ZNF418: variants seen among roughly 807,000 people sequenced by gnomAD.
ZNF418 encodes the protein zinc finger protein 418.
ZNF418 carries 32 observed loss-of-function variants against 32.0 expected under a neutral mutation model. The ratio of observed to expected loss-of-function variants is 1.00; its 90% CI spans 0.75 to 1.34. The LOEUF is 1.34. Ranked by LOEUF, ZNF418 falls within the 40% of genes most tolerant of loss-of-function variation. The pLI is 0.00. For synonymous variants in ZNF418, 276 were observed against 270.7 expected, an observed-to-expected ratio of 1.02 and a Z score of -0.19; for missense variants, 804 against 812.5, an observed-to-expected ratio of 0.99 and a Z score of 0.13.
intron 1 of ZNF418, chr19:57,934,155 C>T (rs1600188714): frequency 7.8e-7 from 1 of 1,280,260 alleles, no homozygotes; most frequent in Non-Finnish European, 9.9e-7. Context: ...AGTCCCAGGA[C>T]ATCACAAGCT....
chr19:57,926,900 C>A lies in ZNF418; in HGVS notation c.1281G>T (p.Glu427Asp). The change falls in exon 4 of 6, where the codon GAG becomes GAT. Residue 427 changes from glutamate (E) to aspartate (D), a missense_variant. Around this residue, in one of 3 missense-constraint regions of ZNF418, gnomAD observed 475 missense variants for 458.6 expected, o/e 1.04. Transcript: ENST00000396147. Reference protein sequence around the residue: ...QRGHTGERPYECGECGKSFSR... With the variant: ...QRGHTGERPYDCGECGKSFSR... Reference sequence around the variant, plus strand: ...TAAAAGATTTCCCACATTCTCCACACTCGTAAGGTCTTTCTCCAGTGTGAC... The same window carrying A: ...TAAAAGATTTCCCACATTCTCCACAATCGTAAGGTCTTTCTCCAGTGTGAC... The A allele has an allele frequency of 6.2e-7, 1 of 1,613,790 alleles. No homozygotes were observed. The highest frequency in any genetic ancestry group is 8.5e-7 in the Non-Finnish European group (1 of 1,179,912).
rs1343687174 is a variant in ZNF418, at chr19:57,926,523, A to G, written c.1658T>C (p.Leu553Pro). Residue 553 changes from leucine (L) to proline (P), a missense_variant, in exon 4 of 6, where the codon CTC becomes CCC. Physicochemically the swap from Leu to Pro is moderately conservative, Grantham distance 98 (BLOSUM62 -3). This residue lies in a region of ZNF418 where 475 missense variants were observed against 458.6 expected (regional missense o/e 1.04). Transcript: ENST00000396147. ...AGTGTGAGTTTTCTGATGTCGAAGG[A>G]GGGAAGAGCTCTGATGAAATGACTT... is the stretch of plus-strand genomic sequence containing the variant. ...CGKSFHQSSS[L>P]LRHQKTHTAE... 2 of 1,613,730 alleles carry G rather than the reference A, an allele frequency of 1.2e-6. No homozygotes were observed.
intron 4 of ZNF418, among the ~76,000 whole-genome samples, chr19:57,925,348 C>G (rs1170833828): frequency 6.6e-6 from 1 of 151,984 alleles, no homozygotes; most frequent in Non-Finnish European, 1.5e-5. Flanking sequence ...GTAGTCCCAG[C>G]TACTCGGGAG....
In ZNF418 at chr19:57,926,377, G is replaced by A. The variant is rs563253023; in HGVS notation, c.1804C>T (p.Arg602Ter). 4.5e-5 allele frequency: 72 copies of A among 1,612,662 alleles called. 1 individual carries two copies. The East Asian group carries it at 6.9e-4, about 15-fold the overall frequency. The change falls in exon 4 of 6, where the codon CGA (arginine) becomes TGA (stop). Residue 602 changes from arginine (R) to a stop codon, truncating the protein, a stop_gained. Transcript: ENST00000396147. LOFTEE classifies it low-confidence loss of function (END_TRUNC). The stretch of plus-strand genomic sequence containing the variant: ...TGATGTTTAAAATGCGCAGACCTTC[G>A]AGTAAATGTTTTTCCACATTCCCTG... ...ECRECGKTFT[R>*]RSAHFKHQRL...
Position 57,926,924 on chromosome 19 carries a change from A to G in ZNF418, c.1257T>C (p.Gly419=). The G allele has an allele frequency of 6.2e-7, 1 of 1,613,990 alleles. No homozygotes were observed. The highest frequency in any genetic ancestry group is 2.2e-5 in the East Asian group (1 of 44,854). Residue 419 remains glycine (G), a synonymous_variant, in exon 4 of 6, where the codon GGT becomes GGC. Coordinates refer to ENST00000396147, the MANE Select transcript of ZNF418 (RefSeq NM_133460.3). ...RKGHLRNHQR[G]HTGERPYECG... is the part of the protein sequence containing the mutation. Reference sequence around the variant, plus strand: ...ACTCGTAAGGTCTTTCTCCAGTGTGACCTCGCTGATGGTTCCTAAGGTGTC... The same window carrying G: ...ACTCGTAAGGTCTTTCTCCAGTGTGGCCTCGCTGATGGTTCCTAAGGTGTC...
chr19:57,930,469 T>A lies in ZNF418; in HGVS notation c.92A>T (p.His31Leu). 6.2e-7 allele frequency: 1 copy of A among 1,614,148 alleles called. No homozygotes were observed. The highest frequency in any genetic ancestry group is 1.3e-5 in the African/African-American group (1 of 75,032). Reference sequence around the variant, plus strand: ...TACCCAGTTCTCCAGCATCACGTCATGGTAAAGGCATCTCTGAACCTCACT... The same window carrying A: ...TACCCAGTTCTCCAGCATCACGTCAAGGTAAAGGCATCTCTGAACCTCACT... ...LLSEVQRCLYHDVMLENWVLI... is the reference protein window; with the variant it reads ...LLSEVQRCLYLDVMLENWVLI... Residue 31 changes from histidine (H) to leucine (L), a missense_variant, in exon 3 of 6, where the codon CAT (histidine) becomes CTT (leucine). Transcript: ENST00000396147.
At position 57,925,603 on chromosome 19, in the gene ZNF418, T is replaced by A. The variant is rs2072187701; in HGVS notation, c.*527+20A>T. ...TCATCCGAAAGAAATGAGAAAGGAATGACAGCTGAGACTACTCACCAATTC... is the reference window on the plus strand; with the variant it reads ...TCATCCGAAAGAAATGAGAAAGGAAAGACAGCTGAGACTACTCACCAATTC... On this transcript the variant is annotated intron_variant, in intron 4 of 5. Transcript: ENST00000396147. 1 of 159,580 alleles carries A rather than the reference T, an allele frequency of 6.3e-6. No homozygotes were observed. Among genetic ancestry groups the A allele is most frequent in the Non-Finnish European group, 1.4e-5 (1 of 72,026 alleles). The allele number at this position is 159,580 out of a possible 1,614,324, so 9.9% of individuals were successfully genotyped here. A position where few individuals can be genotyped will look rare whatever the true frequency, so the allele number is the denominator to read the frequency against.
At chr19:57,924,027 T>C (rs2072113700) in intron 4 of ZNF418, among the ~76,000 whole-genome samples, 3 of 151,562 alleles carry the variant, frequency 2.0e-5, no homozygotes, top group Admixed American at 6.6e-5. Context: ...AGGCCTGTAA[T>C]CCCAGCACTT....
chr19:57,928,530 C>G (rs1235384209), intron 3 of ZNF418, among the ~76,000 whole-genome samples: 1 of 152,004 alleles, frequency 6.6e-6, no homozygotes, highest in African/African-American at 2.4e-5. Flanking sequence ...TCCCAAAGTG[C>G]TGGGATTACA....
At position 57,934,118 on chromosome 19, in the gene ZNF418, C is replaced by A. The variant is rs1410039234; in HGVS notation, c.-80-216G>T. On this transcript the variant is annotated intron_variant, in intron 1 of 5. Coordinates refer to ENST00000396147, the MANE Select transcript of ZNF418 (RefSeq NM_133460.3). ...TAGGGTTTCTCCAGTGTTCTCAGAT[C>A]AAAGGACTGAAAAAATGGCAAGTAA... 7 of 1,352,738 alleles carry A rather than the reference C, an allele frequency of 5.2e-6. No homozygotes were observed. The African/African-American group carries it at 8.8e-5, about 17-fold the overall frequency. 83.8% of individuals were successfully genotyped at this position (1,352,738 alleles called of 1,614,324 possible).
In ZNF418 at chr19:57,927,469, A is replaced by G. The variant is rs748724344; in HGVS notation, c.712T>C (p.Ser238Pro). Residue 238 changes from serine to proline, a missense_variant, in exon 4 of 6, where the codon TCC (serine) becomes CCC (proline). Physicochemically the swap from Ser to Pro is moderately conservative, Grantham distance 74. Coordinates refer to ENST00000396147, the MANE Select transcript of ZNF418 (RefSeq NM_133460.3). ...EECYCWECGK[S>P]FSKYDSVSNH... is the part of the protein sequence containing the mutation. ...CTGACGCTATCATATTTGCTAAAGG[A>G]TTTCCCACATTCCCAGCAATAACAT... The G allele has an allele frequency of 3.7e-6, 6 of 1,614,206 alleles. No homozygotes were observed. In the South Asian group the frequency reaches 6.6e-5, roughly 18 times the overall value.
In ZNF418 at chr19:57,930,443, G is replaced by A; in HGVS notation, c.118C>T (p.Leu40Phe). The A allele has an allele frequency of 3.7e-6, 6 of 1,614,128 alleles. No homozygotes were observed. Among genetic ancestry groups the A allele is most frequent in the Non-Finnish European group, 1.7e-6 (2 of 1,180,014 alleles). The change falls in exon 3 of 6, where the codon CTT becomes TTT. Residue 40 changes from leucine to phenylalanine, a missense_variant. Leu to Phe is a conservative substitution (Grantham distance 22). Around this residue, in one of 3 missense-constraint regions of ZNF418, gnomAD observed 307 missense variants for 304.9 expected, o/e 1.01. Coordinates refer to ENST00000396147, the MANE Select transcript of ZNF418 (RefSeq NM_133460.3). The part of the protein sequence containing the change: ...YHDVMLENWV[L>F]ISSLGCWCGS... ...AGGAACTTACCCAGGGAGGATATAA[G>A]TACCCAGTTCTCCAGCATCACGTCA...
intron 2 of ZNF418, among the ~76,000 whole-genome samples, chr19:57,932,990 T>C (rs146870483): frequency 9.2e-4 from 140 of 152,298 alleles, no homozygotes; most frequent in African/African-American, 3.3e-3. Context: ...CCTTCTCCTG[T>C]GGCAATGTCA....
rs2072216363 is a variant in ZNF418, at chr19:57,926,277, G to GT, written c.1903dup (p.Thr635AsnfsTer2). The GT allele has an allele frequency of 1.3e-6, 2 of 1,572,016 alleles. No individual in the cohort carries two copies. The highest frequency in any genetic ancestry group is 1.4e-5 in the African/African-American group (1 of 73,742). Reference sequence around the variant, plus strand: ...TCCAGTGTGTACTCTCCTGTGTTCAGTAAGACTGAAGGTTTCAGCAAAGGA... The same window carrying GT: ...TCCAGTGTGTACTCTCCTGTGTTCAGTTAAGACTGAAGGTTTCAGCAAAGGA... On this transcript the variant is annotated frameshift_variant, in exon 4 of 6. Coordinates refer to ENST00000396147, the MANE Select transcript of ZNF418 (RefSeq NM_133460.3). LOFTEE classifies it low-confidence loss of function (END_TRUNC).
At chr19:57,932,209 CTG>C (rs1327101613) in intron 2 of ZNF418, among the ~76,000 whole-genome samples, 2 of 152,202 alleles carry the variant, frequency 1.3e-5, no homozygotes, top group Admixed American at 6.5e-5. Context: ...TAACCAGAAA[CTG>C]TGCCTGATCC....
chr19:57,927,274 G>A lies in ZNF418; in HGVS notation c.907C>T (p.Gln303Ter). ...KSFSHKGSLV[Q>*]HQRVHTGERP... is the part of the protein sequence containing the mutation. ...TCTCCAGTATGAACTCGCTGATGCT[G>A]AACAAGGCTGCCCTTATGACTAAAA... The change falls in exon 4 of 6, where the codon CAG becomes TAG. Residue 303 changes from glutamine to a stop codon, truncating the protein, a stop_gained. Transcript: ENST00000396147. LOFTEE classifies it high-confidence loss of function. The A allele has an allele frequency of 1.2e-6, 2 of 1,613,314 alleles. No homozygotes were observed. The highest frequency in any genetic ancestry group is 1.7e-6 in the Non-Finnish European group (2 of 1,179,832).
At position 57,935,250 on chromosome 19, in the gene ZNF418, G is replaced by A. The variant is rs62126278; in HGVS notation, c.-170C>T. 0.29 allele frequency: 355,138 copies of A among 1,204,300 alleles called. 53,818 individuals carry two copies. Among genetic ancestry groups the A allele is most frequent in the Non-Finnish European group, 0.31 (297,174 of 953,838 alleles). 74.6% of individuals were successfully genotyped at this position (1,204,300 alleles called of 1,614,324 possible). ...CGGCGGGCGCCGTTACGGGGCCTAA[G>A]ATCTGCCTCTGTGCAGCAAGAAGGA... On this transcript the variant is annotated 5_prime_UTR_variant, in exon 1 of 6. Transcript: ENST00000396147.
intron 4 of ZNF418, among the ~76,000 whole-genome samples, chr19:57,924,003 G>A (rs982379239): frequency 2.0e-5 from 3 of 152,140 alleles, no homozygotes; most frequent in Admixed American, 1.3e-4. Flanking sequence ...AATGTGGGCT[G>A]GACATGATGG....
At position 57,927,992 on chromosome 19, in the gene ZNF418, T is replaced by G; in HGVS notation, c.189A>C (p.Ile63=). 6.3e-7 allele frequency: 1 copy of G among 1,591,714 alleles called. No homozygotes were observed. The highest frequency in any genetic ancestry group is 8.6e-7 in the Non-Finnish European group (1 of 1,165,914). ...EEAPSKKSIS[I]QRVSQVSTPG... ...GAGTGCTGACCTGAGACACTCTTTG[T>G]ATAGAAATGCTCTTCTTAGAAGGTG... Residue 63 remains isoleucine, a synonymous_variant, in exon 4 of 6, where the codon ATA becomes ATC. Transcript: ENST00000396147.
Sources: allele counts gnomAD v4.1 joint callset (sites outside exome capture counted in the v4.1 genomes callset), GRCh38; gene constraint gnomAD v4.1.1; regional missense constraint gnomAD v4.1.1; transcripts MANE v1.5; gene names NCBI Gene and HGNC (gene_info 2026-07-23, HGNC 2026-07-21).